The following UBASH3A variants were observed in gnomAD, a reference collection of about 807,000 sequenced individuals.
UBASH3A encodes the protein ubiquitin-associated and SH3 domain-containing protein A.
Under a neutral mutation model 73.5 loss-of-function variants are expected in UBASH3A, and 63 were observed. The observed-to-expected ratio is 0.86, with a 90% CI of 0.70 to 1.06. The LOEUF (loss-of-function observed/expected upper bound fraction) is 1.06, where lower values mean the gene tolerates loss of function less well. UBASH3A is among the 50% of genes least tolerant of loss of function. UBASH3A has a pLI of 0.00. For missense variants in UBASH3A, 860 were observed against 859.0 expected (o/e 1.00, Z -0.02); for synonymous variants, 363 against 351.1 (o/e 1.03, Z -0.38).
intron 2 of UBASH3A, among the ~76,000 whole-genome samples, chr21:42,408,733 C>T (rs2053027307): frequency 6.6e-6 from 1 of 151,292 alleles, no homozygotes; most frequent in South Asian, 2.1e-4. Context: ...CGTCGTTTTT[C>T]CTTTAATTTA....
chr21:42,408,200 G>C (rs1041736637), intron 2 of UBASH3A, among the ~76,000 whole-genome samples: 1 of 152,226 alleles, frequency 6.6e-6, no homozygotes, highest in Non-Finnish European at 1.5e-5. Context: ...ATGGTCTTGC[G>C]TAAGTTCTGT....
At position 42,413,081 on chromosome 21, in the gene UBASH3A, C is replaced by T. The variant is rs1419211084; in HGVS notation, c.412C>T (p.Leu138Phe). 1.9e-6 allele frequency: 3 copies of T among 1,614,124 alleles called. No homozygotes were observed. Among genetic ancestry groups the T allele is most frequent in the African/African-American group, 1.3e-5 (1 of 74,946 alleles). The change falls in exon 4 of 15, where the codon CTC becomes TTC. Residue 138 changes from leucine to phenylalanine, a missense_variant. Coordinates refer to ENST00000319294, the MANE Select transcript of UBASH3A (RefSeq NM_018961.4). The surrounding 1 kb of genome is among the most constrained non-coding windows in gnomAD (Gnocchi z 4.5). ...YEALKRAGDR[L>F]LGSFPTAVPL... ...GGCGCTGAAGAGAGCTGGAGACAGG[C>T]TCCTGGGCTCCTTCCCCACGGCCGT... is the stretch of plus-strand genomic sequence containing the variant.
At position 42,426,719 on chromosome 21, in the gene UBASH3A, A is replaced by T; in HGVS notation, c.1069A>T (p.Thr357Ser). 6.2e-7 allele frequency: 1 copy of T among 1,614,040 alleles called. No individual in the cohort carries two copies. The highest frequency in any genetic ancestry group is 8.5e-7 in the Non-Finnish European group (1 of 1,179,912). ...KHRMYTFSLA[T>S]DLNSRKDGEA... ...CAGGATGTACACCTTCAGTCTAGCC[A>T]CAGACCTGAACTCCAGAAAGGATGG... The change falls in exon 8 of 15, where the codon ACA becomes TCA. Residue 357 changes from threonine (T) to serine (S), a missense_variant. Coordinates refer to ENST00000319294, the MANE Select transcript of UBASH3A (RefSeq NM_018961.4).
At position 42,428,296 on chromosome 21, in the gene UBASH3A, C is replaced by G. The variant is rs562623852; in HGVS notation, c.1170+1476C>G. 2.0e-5 allele frequency among the ~76,000 whole-genome samples: 3 copies of G among 152,268 alleles called. No individual in the cohort carries two copies. In the East Asian group the frequency reaches 5.8e-4, roughly 29 times the overall value. On this transcript the variant is annotated intron_variant, in intron 8 of 14. Coordinates refer to ENST00000319294, the MANE Select transcript of UBASH3A (RefSeq NM_018961.4). ...TCCTGGCAGCTGGTGCAAATCAGCC[C>G]AAAGCTAAGTGGCCTTGGCAGGTCT...
chr21:42,410,330 C>T (rs1266495817), intron 3 of UBASH3A: 9 of 597,068 alleles, frequency 1.5e-5, no homozygotes, highest in East Asian at 1.1e-4. Context: ...CTTCTGCTAC[C>T]GCGGCCTGGC....
chr21:42,426,071 G>A (rs1170055140), intron 7 of UBASH3A, among the ~76,000 whole-genome samples: 1 of 152,142 alleles, frequency 6.6e-6, no homozygotes, highest in Non-Finnish European at 1.5e-5. Context: ...TGCAGGGCAG[G>A]CTGGCAGATG....
chr21:42,431,448 G>A (rs542961590), intron 8 of UBASH3A, among the ~76,000 whole-genome samples: 8 of 152,374 alleles, frequency 5.3e-5, no homozygotes, highest in Non-Finnish European at 8.8e-5. Context: ...TCCCTGGCTC[G>A]AAGCTGCTGG....
chr21:42,433,595 A>G (rs1466502948), intron 9 of UBASH3A, among the ~76,000 whole-genome samples: 1 of 152,214 alleles, frequency 6.6e-6, no homozygotes, highest in Non-Finnish European at 1.5e-5. Context: ...TTAGAGGGGG[A>G]TCACAGATGC....
chr21:42,412,662 A>C lies in UBASH3A; in HGVS notation c.355-362A>C, dbSNP rs2053124148. Among the ~76,000 whole-genome samples, 2 of 152,164 alleles carry C rather than the reference A, an allele frequency of 1.3e-5. 1 individual carries two copies. Among genetic ancestry groups the C allele is most frequent in the South Asian group, 4.1e-4 (2 of 4,830 alleles). ...TTGGAGTCTGCTAGAAACCTCCAGA[A>C]GCCAAATCATGCAAACCTGAGCAAA... On this transcript the variant is annotated intron_variant, in intron 3 of 14. Transcript: ENST00000319294.
At chr21:42,426,283 T>C (rs1005066831) in intron 7 of UBASH3A, among the ~76,000 whole-genome samples, 3 of 152,224 alleles carry the variant, frequency 2.0e-5, no homozygotes, top group Non-Finnish European at 4.4e-5. Flanking sequence ...ATAAGGACTT[T>C]CAGCTATTTA....
intron 14 of UBASH3A, 125 bp downstream of exon 14, chr21:42,444,768 G>C: frequency 1.3e-6 from 1 of 776,774 alleles, no homozygotes; most frequent in South Asian, 1.6e-5. Context: ...GGATCCACGT[G>C]CCCCCGGAGA....
chr21:42,407,968 A>C (rs953355899), intron 2 of UBASH3A, among the ~76,000 whole-genome samples: 4 of 152,264 alleles, frequency 2.6e-5, no homozygotes, highest in Non-Finnish European at 5.9e-5. Context: ...ATCAACAGGG[A>C]TTAATTGAAA....
chr21:42,416,581 C>T lies in UBASH3A; in HGVS notation c.807C>T (p.Tyr269=). ...GCTGCCAGTGGACCGCAGCACTCTACTCCCGAGACATGCGCTTTGTGCACT... is the reference window on the plus strand; with the variant it reads ...GCTGCCAGTGGACCGCAGCACTCTATTCCCGAGACATGCGCTTTGTGCACT... ...GHSCQWTAAL[Y]SRDMRFVHYQ... is the part of the protein sequence containing the mutation. Residue 269 remains tyrosine, a synonymous_variant, in exon 6 of 15, where the codon TAC becomes TAT. Coordinates refer to ENST00000319294, the MANE Select transcript of UBASH3A (RefSeq NM_018961.4). The T allele has an allele frequency of 6.2e-7, 1 of 1,604,982 alleles. No individual in the cohort carries two copies.
chr21:42,412,935 T>A, intron 3 of UBASH3A, 89 bp from the exon 4 acceptor site: 1 of 1,119,540 alleles, frequency 8.9e-7, no homozygotes, highest in Non-Finnish European at 1.3e-6. Flanking sequence ...GAATCTCACT[T>A]TAATTGCTGC....
Position 42,410,266 on chromosome 21 carries a change from A to C in UBASH3A, c.354+658A>C, listed in dbSNP as rs1601557862. ...GAAAAGAAGGAGAAGGGAGAGACAG[A>C]CAGCCACTGCTCTACTCAGCTCCGC... On this transcript the variant is annotated intron_variant, in intron 3 of 14. Coordinates refer to ENST00000319294, the MANE Select transcript of UBASH3A (RefSeq NM_018961.4). 4 of 677,588 alleles carry C rather than the reference A, an allele frequency of 5.9e-6. No homozygotes were observed. In the South Asian group the frequency reaches 6.2e-5, roughly 10 times the overall value. 42.0% of individuals were successfully genotyped at this position (677,588 alleles called of 1,614,324 possible). A position where few individuals can be genotyped will look rare whatever the true frequency, so the allele number is the denominator to read the frequency against.
intron 13 of UBASH3A, 147 bp downstream of exon 13, chr21:42,443,565 A>G: frequency 3.0e-6 from 2 of 673,188 alleles, no homozygotes; most frequent in Non-Finnish European, 4.8e-6. Flanking sequence ...CAAAGTTTTC[A>G]TCACTGCTGC....
Position 42,406,313 on chromosome 21 carries a change from A to G in UBASH3A, c.119A>G (p.Lys40Arg), listed in dbSNP as rs1568905192. 1.2e-6 allele frequency: 2 copies of G among 1,613,914 alleles called. No homozygotes were observed. Among genetic ancestry groups the G allele is most frequent in the Non-Finnish European group, 1.7e-6 (2 of 1,179,802 alleles). Residue 40 changes from lysine (K) to arginine (R), a missense_variant, in exon 2 of 15, where the codon AAA becomes AGA. By Grantham distance (26) the Lys-to-Arg change is conservative. Transcript: ENST00000319294. Reference sequence around the variant, plus strand: ...CTGTGTCTGCTCTTCTGCAGGCTGAAAGCGTTGGCAGCCACGGGGAGGAAG... The same window carrying G: ...CTGTGTCTGCTCTTCTGCAGGCTGAGAGCGTTGGCAGCCACGGGGAGGAAG... ...AMGFPVHTAL[K>R]ALAATGRKTA... is the part of the protein sequence containing the mutation.
At chr21:42,425,950 A>G (rs2053426979) in intron 7 of UBASH3A, among the ~76,000 whole-genome samples, 1 of 152,220 alleles carries the variant, frequency 6.6e-6, no homozygotes, top group Non-Finnish European at 1.5e-5. Context: ...TTCCCCACAG[A>G]CAGAGACAGA....
intron 5 of UBASH3A, among the ~76,000 whole-genome samples, chr21:42,414,110 CAG>C (rs2053155296): frequency 6.6e-6 from 1 of 152,170 alleles, no homozygotes; most frequent in African/African-American, 2.4e-5. Context: ...TCCCGGGACA[CAG>C]AAGGCACTCA....
Sources: allele counts gnomAD v4.1 joint callset (sites outside exome capture counted in the v4.1 genomes callset), GRCh38; gene constraint gnomAD v4.1.1; non-coding constraint Gnocchi (gnomAD v3.1); transcripts MANE v1.5; gene names NCBI Gene and HGNC (gene_info 2026-07-23, HGNC 2026-07-21).